NRXN1: variants seen among roughly 807,000 people sequenced by gnomAD.
NRXN1 encodes the protein neurexin-1.
Under a neutral mutation model 150.9 loss-of-function variants are expected in NRXN1, and 39 were observed. The ratio of observed to expected loss-of-function variants is 0.26; its 90% confidence interval spans 0.20 to 0.34. NRXN1 has a LOEUF of 0.34. NRXN1 is among the 10% of genes least tolerant of loss of function. The pLI is 1.00. For synonymous variants in NRXN1, 924 were observed against 757.0 expected (o/e 1.22, Z -3.62); for missense variants, 1,815 against 1,949.9 (o/e 0.93, Z 1.30).
intron 8 of NRXN1, among the ~76,000 whole-genome samples, chr2:50,597,493 T>C (rs1675435137): frequency 6.6e-6 from 1 of 152,146 alleles, no homozygotes; most frequent in Non-Finnish European, 1.5e-5. Flanking sequence ...TGTCTTATCT[T>C]CATACCTTCA....
chr2:50,831,373 G>T (rs370676405), intron 5 of NRXN1, among the ~76,000 whole-genome samples: 33 of 152,166 alleles, frequency 2.2e-4, no homozygotes, highest in African/African-American at 7.5e-4. Flanking sequence ...AAAATAATTG[G>T]GAAATTTTAG....
intron 8 of NRXN1, among the ~76,000 whole-genome samples, chr2:50,610,862 G>T (rs992559326): frequency 6.9e-6 from 1 of 144,382 alleles, no homozygotes; most frequent in South Asian, 2.2e-4. Flanking sequence ...GCACGATTTC[G>T]GCTCACTGCA....
chr2:50,537,795 G>A (rs1266091944), intron 10 of NRXN1, among the ~76,000 whole-genome samples: 1 of 152,198 alleles, frequency 6.6e-6, no homozygotes. Context: ...GAAATGAGCA[G>A]GCTAACTTAA....
chr2:51,020,960 G>A (rs1024302228), intron 2 of NRXN1, among the ~76,000 whole-genome samples: 2 of 151,902 alleles, frequency 1.3e-5, no homozygotes, highest in South Asian at 2.1e-4. Flanking sequence ...TAAAGCAACT[G>A]GCCAAAATTT....
intron 2 of NRXN1, among the ~76,000 whole-genome samples, chr2:51,025,183 C>T (rs1255772033): frequency 6.6e-6 from 1 of 152,086 alleles, no homozygotes; most frequent in East Asian, 1.9e-4. Context: ...TGATCTTTTG[C>T]ACTCCATTTT....
At chr2:49,988,735 G>A (rs1272945737) in intron 21 of NRXN1, among the ~76,000 whole-genome samples, 2 of 151,930 alleles carry the variant, frequency 1.3e-5, no homozygotes, top group African/African-American at 4.8e-5. Context: ...GGAGGGAAAA[G>A]AGATGATTAA....
Position 50,601,237 on chromosome 2 carries a change from C to T in NRXN1, c.1320+18785G>A, listed in dbSNP as rs567240570. Among the ~76,000 whole-genome samples, 15 of 152,140 alleles carry T rather than the reference C, an allele frequency of 9.9e-5. No homozygotes were observed. In the East Asian group the frequency reaches 1.5e-3, roughly 16 times the overall value. Reference sequence around the variant, plus strand: ...GCTTATGGAAAAACATGACTACCTACGAGAAAAATAAAAGTAAATTAAATC... The same window carrying T: ...GCTTATGGAAAAACATGACTACCTATGAGAAAAATAAAAGTAAATTAAATC... On this transcript the variant is annotated intron_variant, in intron 8 of 22. Coordinates refer to ENST00000401669, the MANE Select transcript of NRXN1 (RefSeq NM_001330078.2).
At chr2:50,005,861 A>G (rs1684679443) in intron 21 of NRXN1, among the ~76,000 whole-genome samples, 1 of 152,152 alleles carries the variant, frequency 6.6e-6, no homozygotes, top group Non-Finnish European at 1.5e-5. Context: ...CCATCTGACG[A>G]TAACTTACTG....
chr2:50,348,921 T>C (rs1167391014), intron 17 of NRXN1, among the ~76,000 whole-genome samples: 1 of 152,058 alleles, frequency 6.6e-6, no homozygotes, highest in Non-Finnish European at 1.5e-5. Context: ...CTTCTCACCA[T>C]CTACATAATT....
chr2:50,040,846 C>T (rs1036840041), intron 21 of NRXN1, among the ~76,000 whole-genome samples: 7 of 150,798 alleles, frequency 4.6e-5, no homozygotes, highest in Non-Finnish European at 8.9e-5. Context: ...ATTGTATTTT[C>T]TTTTTTTTTC....
chr2:49,970,660 T>A (rs1224545963), intron 21 of NRXN1: 1 of 152,112 alleles, frequency 6.6e-6, no homozygotes, highest in Non-Finnish European at 1.5e-5. Context: ...GTAAAATCAG[T>A]CTTTCTGGTC....
intron 21 of NRXN1, 89 bp downstream of exon 21, chr2:50,053,182 T>G (rs1448522125): frequency 7.4e-7 from 1 of 1,349,238 alleles, no homozygotes; most frequent in Non-Finnish European, 1.1e-6. Flanking sequence ...CAGAAAAATG[T>G]TCCAATTTAG....
At chr2:50,554,925 T>A (rs1268816649) in intron 8 of NRXN1, among the ~76,000 whole-genome samples, 2 of 152,076 alleles carry the variant, frequency 1.3e-5, no homozygotes, top group South Asian at 4.1e-4. Flanking sequence ...ACTTGAGCAA[T>A]AACAAAAAGG....
At chr2:50,274,579 T>C (rs1404299131) in intron 17 of NRXN1, among the ~76,000 whole-genome samples, 2 of 151,988 alleles carry the variant, frequency 1.3e-5, no homozygotes, top group South Asian at 2.1e-4. Context: ...AAAGAGACTA[T>C]TGCGGAGACT....
intron 5 of NRXN1, among the ~76,000 whole-genome samples, chr2:50,825,287 A>G (rs1670294347): frequency 6.6e-6 from 1 of 152,198 alleles, no homozygotes; most frequent in Non-Finnish European, 1.5e-5. Context: ...CTCTGGAGTG[A>G]TAAGAATATC....
chr2:50,332,320 A>C (rs2076890037), intron 17 of NRXN1, among the ~76,000 whole-genome samples: 1 of 152,196 alleles, frequency 6.6e-6, no homozygotes, highest in Non-Finnish European at 1.5e-5. Context: ...GTATCTATGA[A>C]AATTTACTTT....
chr2:50,620,286 T>C (rs1679778975), intron 7 of NRXN1, 103 bp from the exon 8 acceptor site: 2 of 1,326,030 alleles, frequency 1.5e-6, no homozygotes, highest in Admixed American at 2.6e-5. Context: ...TTTTGTTTTG[T>C]TTTGTTTTGC....
At chr2:50,026,904 G>C (rs867765399) in intron 21 of NRXN1, among the ~76,000 whole-genome samples, 2 of 65,504 alleles carry the variant, frequency 3.1e-5, no homozygotes, top group Non-Finnish European at 5.3e-5. Context: ...TTTTTGAGAC[G>C]GAGTCTCGTT....
At chr2:50,775,165 T>G (rs1227086410) in intron 5 of NRXN1, among the ~76,000 whole-genome samples, 2 of 152,152 alleles carry the variant, frequency 1.3e-5, no homozygotes, top group African/African-American at 4.8e-5. Context: ...TCTCCTATCC[T>G]GCATTTCAAT....
Sources: gnomAD v4.1 joint callset for allele counts (sites outside exome capture counted in the v4.1 genomes callset) on GRCh38, gnomAD v4.1.1 for gene constraint, MANE v1.5 for transcripts, NCBI Gene and HGNC (gene_info 2026-07-23, HGNC 2026-07-21) for gene names.